The following NKAIN2 variants were observed in gnomAD, a reference collection of about 807,000 sequenced individuals.
NKAIN2 encodes sodium/potassium transporting ATPase interacting 2.
NKAIN2 carries 14 observed loss-of-function variants against 32.6 expected under a neutral mutation model. The observed-to-expected ratio is 0.43, with a 90% confidence interval of 0.28 to 0.67. The LOEUF (loss-of-function observed/expected upper bound fraction) is 0.67, where lower values mean the gene tolerates loss of function less well. Ranked by LOEUF, NKAIN2 falls within the 30% of genes least tolerant of loss-of-function variation. The probability of loss-of-function intolerance (pLI) is 0.17; values close to 1 mark genes in which losing one functional copy is unlikely to be tolerated. For missense variants in NKAIN2, 198 were observed against 258.3 expected, an observed-to-expected ratio of 0.77 and a Z score of 1.60; for synonymous variants, 80 against 87.2, an observed-to-expected ratio of 0.92 and a Z score of 0.46.
chr6:124,793,081 T>C (rs936478644), intron 5 of NKAIN2, among the ~76,000 whole-genome samples: 1 of 151,916 alleles, frequency 6.6e-6, no homozygotes, highest in African/African-American at 2.4e-5. Context: ...TGGACAAGGA[T>C]CAGTATTGGA....
At chr6:123,973,647 C>T (rs1582866764) in intron 1 of NKAIN2, among the ~76,000 whole-genome samples, 1 of 152,146 alleles carries the variant, frequency 6.6e-6, no homozygotes, top group East Asian at 1.9e-4. Context: ...TCCTGGAATA[C>T]TATTTAGGTT....
chr6:124,820,559 G>T (rs1781352898), intron 6 of NKAIN2, among the ~76,000 whole-genome samples: 1 of 152,178 alleles, frequency 6.6e-6, no homozygotes, highest in African/African-American at 2.4e-5. Flanking sequence ...TATCAAGTCA[G>T]AAGTAACATA....
At chr6:124,413,953 A>C (rs1583214988) in intron 3 of NKAIN2, among the ~76,000 whole-genome samples, 1 of 152,066 alleles carries the variant, frequency 6.6e-6, no homozygotes, top group Non-Finnish European at 1.5e-5. Flanking sequence ...TTTTCTACAT[A>C]GATAATCATG....
chr6:124,287,788 A>G (rs1292847427), intron 2 of NKAIN2, among the ~76,000 whole-genome samples: 1 of 152,202 alleles, frequency 6.6e-6, no homozygotes, highest in African/African-American at 2.4e-5. Context: ...TAAGTTAATG[A>G]TAAAATAATG....
intron 3 of NKAIN2, among the ~76,000 whole-genome samples, chr6:124,359,063 G>A (rs550717879): frequency 6.6e-6 from 1 of 152,038 alleles, no homozygotes; most frequent in African/African-American, 2.4e-5. Context: ...TCTCAGGTTT[G>A]TCAAAGATCA....
chr6:124,490,717 A>T (rs1482268003), intron 3 of NKAIN2, among the ~76,000 whole-genome samples: 1 of 151,776 alleles, frequency 6.6e-6, no homozygotes, highest in East Asian at 1.9e-4. Context: ...CTTCTACTTT[A>T]TAATCCCTGA....
chr6:124,282,956 T>C (rs368331691), intron 1 of NKAIN2, 49 bp from the exon 2 acceptor site: 142 of 1,564,108 alleles, frequency 9.1e-5, no homozygotes, highest in Middle Eastern at 1.7e-4. Flanking sequence ...CTCTCACCAC[T>C]GTGCTGTTTC....
intron 1 of NKAIN2, among the ~76,000 whole-genome samples, chr6:123,981,873 C>T (rs990409652): frequency 2.0e-5 from 3 of 151,916 alleles, no homozygotes; most frequent in African/African-American, 4.8e-5. Context: ...GGGAGGTTGA[C>T]GGGATCCAGA....
At chr6:124,356,330 A>C (rs1305671128) in intron 3 of NKAIN2, among the ~76,000 whole-genome samples, 4 of 152,216 alleles carry the variant, frequency 2.6e-5, no homozygotes, top group African/African-American at 4.8e-5. Flanking sequence ...TACATGCAGG[A>C]GTTTCACAAA....
intron 1 of NKAIN2, among the ~76,000 whole-genome samples, chr6:124,029,550 G>T (rs185764110): frequency 6.6e-6 from 1 of 152,240 alleles, no homozygotes; most frequent in Admixed American, 6.5e-5. Context: ...CCTACTGTGT[G>T]CCAGCCTTTA....
At chr6:124,776,516 C>A (rs906384419) in intron 4 of NKAIN2, among the ~76,000 whole-genome samples, 3 of 152,124 alleles carry the variant, frequency 2.0e-5, no homozygotes, top group African/African-American at 7.2e-5. Context: ...CTGTAGTCTA[C>A]CTAATTCCAA....
intron 3 of NKAIN2, among the ~76,000 whole-genome samples, chr6:124,578,992 G>A (rs1167826147): frequency 1.1e-4 from 16 of 152,162 alleles, no homozygotes; most frequent in Admixed American, 9.8e-4. Flanking sequence ...GACCATCAGG[G>A]CAGCATCTCT....
At chr6:124,398,723 A>G (rs1170721712) in intron 3 of NKAIN2, among the ~76,000 whole-genome samples, 1 of 152,202 alleles carries the variant, frequency 6.6e-6, no homozygotes, top group Non-Finnish European at 1.5e-5. Flanking sequence ...ACAATTGGTA[A>G]TGAATGGAAT....
chr6:124,202,887 A>G (rs1008130741), intron 1 of NKAIN2, among the ~76,000 whole-genome samples: 8 of 151,884 alleles, frequency 5.3e-5, no homozygotes, highest in African/African-American at 1.9e-4. Flanking sequence ...TAAATAATAG[A>G]TGGCAGTGAT....
chr6:124,820,313 C>T (rs1162075656), intron 6 of NKAIN2, among the ~76,000 whole-genome samples: 1 of 152,198 alleles, frequency 6.6e-6, no homozygotes, highest in African/African-American at 2.4e-5. Context: ...TTCCCTCCGA[C>T]CGTGGGCATG....
At chr6:124,034,124 T>C (rs1248401283) in intron 1 of NKAIN2, among the ~76,000 whole-genome samples, 4 of 152,108 alleles carry the variant, frequency 2.6e-5, no homozygotes, top group African/African-American at 9.7e-5. Flanking sequence ...GTTTCTTTTT[T>C]ATTTTTCTTT....
chr6:123,882,030 A>T lies in NKAIN2; in HGVS notation c.54+77776A>T, dbSNP rs1021129535. 2.6e-5 allele frequency among the ~76,000 whole-genome samples: 4 copies of T among 152,176 alleles called. No homozygotes were observed. The East Asian group carries it at 5.8e-4, about 22-fold the overall frequency. ...CATTGTGTTTGAACTCACATAATGG[A>T]TAAACTAAAAATCTATGAATATTTT... On this transcript the variant is annotated intron_variant, in intron 1 of 6. Coordinates refer to ENST00000368417, the MANE Select transcript of NKAIN2 (RefSeq NM_001040214.3).
At chr6:124,215,175 A>G (rs1791401835) in intron 1 of NKAIN2, among the ~76,000 whole-genome samples, 1 of 152,188 alleles carries the variant, frequency 6.6e-6, no homozygotes, top group African/African-American at 2.4e-5. Flanking sequence ...GAACTCAAAT[A>G]TTTGGCCATT....
chr6:124,475,646 C>T (rs976716840), intron 3 of NKAIN2, among the ~76,000 whole-genome samples: 4 of 152,062 alleles, frequency 2.6e-5, no homozygotes, highest in Non-Finnish European at 4.4e-5. Flanking sequence ...TGTAACTAGA[C>T]CGAAGGTAGT....
Sources: allele counts gnomAD v4.1 joint callset (sites outside exome capture counted in the v4.1 genomes callset), GRCh38; gene constraint gnomAD v4.1.1; transcripts MANE v1.5; gene names NCBI Gene and HGNC (gene_info 2026-07-23, HGNC 2026-07-21).